RFX6: variants seen among roughly 807,000 people sequenced by gnomAD.
RFX6 encodes DNA-binding protein RFX6.
Under a neutral mutation model 110.8 loss-of-function variants are expected in RFX6, and 50 were observed. The observed-to-expected ratio is 0.45, with a 90% confidence interval of 0.36 to 0.57. The LOEUF (loss-of-function observed/expected upper bound fraction) is 0.57, where lower values mean the gene tolerates loss of function less well. Among genes scored for constraint, RFX6 ranks in the 20% least tolerant of loss-of-function variants. The pLI is 0.00. For missense variants in RFX6, 990 were observed against 1,127.0 expected (o/e 0.88, Z 1.74); for synonymous variants, 383 against 411.2 (o/e 0.93, Z 0.83).
chr6:116,918,116 C>T (rs1274221897), intron 10 of RFX6, 30 bp downstream of exon 10: 1 of 1,498,820 alleles, frequency 6.7e-7, no homozygotes, highest in Non-Finnish European at 9.3e-7. Context: ...CATGAGCATT[C>T]CTAGTATAGG....
intron 6 of RFX6, among the ~76,000 whole-genome samples, chr6:116,899,605 G>A (rs957998254): frequency 6.6e-6 from 1 of 152,102 alleles, no homozygotes; most frequent in African/African-American, 2.4e-5. Flanking sequence ...GAAAGGTGGA[G>A]TACTATATAA....
intron 7 of RFX6, among the ~76,000 whole-genome samples, chr6:116,915,278 T>A (rs1775438437): frequency 6.8e-6 from 1 of 147,058 alleles, no homozygotes; most frequent in Admixed American, 6.7e-5. Context: ...TGTTTGAAAC[T>A]TTTTTTTGGA....
chr6:116,882,792 A>G (rs1044498540), intron 4 of RFX6, among the ~76,000 whole-genome samples: 5 of 152,136 alleles, frequency 3.3e-5, no homozygotes, highest in African/African-American at 4.8e-5. Context: ...GTGCCTTAGC[A>G]TGCTTCAGGT....
Position 116,877,338 on chromosome 6 carries a change from C to A in RFX6, c.63C>A (p.Ser21=). The change falls in exon 1 of 19, where the codon TCC becomes TCA. Residue 21 remains serine, a synonymous_variant. Coordinates refer to ENST00000332958, the MANE Select transcript of RFX6 (RefSeq NM_173560.4). ...AGGCGCAGCCTGCGCCCCAACTGTC[C>A]CCGGGGATCCAGGAAGACTGCTGTG... ...FLQAQPAPQL[S]PGIQEDCCVQ... 2.5e-6 allele frequency: 4 copies of A among 1,612,960 alleles called. No homozygotes were observed. Among genetic ancestry groups the A allele is most frequent in the Non-Finnish European group, 3.4e-6 (4 of 1,179,614 alleles).
chr6:116,908,902 C>T lies in RFX6; in HGVS notation c.673-2033C>T, dbSNP rs141054951. Among the ~76,000 whole-genome samples the T allele has an allele frequency of 2.7e-3, 406 of 152,104 alleles. 2 individuals are homozygous for T. Among genetic ancestry groups the T allele is most frequent in the African/African-American group, 9.2e-3 (383 of 41,522 alleles). ...ATTTTGTTTAATATTTTGTTTAATACTGTCTTTAGTAATAAGTGAAATTGA... is the reference window on the plus strand; with the variant it reads ...ATTTTGTTTAATATTTTGTTTAATATTGTCTTTAGTAATAAGTGAAATTGA... On this transcript the variant is annotated intron_variant, in intron 6 of 18. Transcript: ENST00000332958.
At chr6:116,920,859 G>A (rs1005423290) in intron 12 of RFX6, among the ~76,000 whole-genome samples, 8 of 152,016 alleles carry the variant, frequency 5.3e-5, no homozygotes, top group Non-Finnish European at 1.2e-4. Context: ...TAATCAAATT[G>A]TTTTGAGTTT....
intron 7 of RFX6, among the ~76,000 whole-genome samples, chr6:116,911,459 GAA>G: frequency 6.6e-6 from 1 of 152,260 alleles, no homozygotes; most frequent in East Asian, 1.9e-4. Flanking sequence ...CATGCTAGAT[GAA>G]TGCAAGAACT....
chr6:116,923,371 G>A (rs1258933541), intron 14 of RFX6, 147 bp downstream of exon 14: 10 of 660,474 alleles, frequency 1.5e-5, no homozygotes, highest in Non-Finnish European at 2.8e-5. Context: ...GTATTTATGA[G>A]CCTGGGTTTT....
chr6:116,921,854 A>T (rs1238550618), intron 12 of RFX6, among the ~76,000 whole-genome samples, 188 bp from the exon 13 acceptor site: 1 of 152,072 alleles, frequency 6.6e-6, no homozygotes, highest in African/African-American at 2.4e-5. Flanking sequence ...ATTGAAGAGT[A>T]CAGTACTAAG....
rs189667343 is a variant in RFX6 at position 116,919,475 on chromosome 6, T to A, written c.1182+179T>A. 9.9e-5 allele frequency among the ~76,000 whole-genome samples: 15 copies of A among 152,250 alleles called. No individual in the cohort carries two copies. In the East Asian group the frequency reaches 2.9e-3, roughly 29 times the overall value. ...AAAAGCACATTAGTGGGAAAGCTGG[T>A]GAAATTTGAATTATGTCTGTAGTTA... On this transcript the variant is annotated intron_variant, in intron 11 of 18. Transcript: ENST00000332958.
In RFX6 at chr6:116,877,493, A is replaced by T; in HGVS notation, c.218A>T (p.Lys73Ile). The T allele has an allele frequency of 6.4e-7, 1 of 1,556,148 alleles. No individual in the cohort carries two copies. Among genetic ancestry groups the T allele is most frequent in the Non-Finnish European group, 8.7e-7 (1 of 1,149,460 alleles). ...GEDPELPGAV[K>I]SEMHLNNGNF... is the part of the protein sequence containing the mutation. ...GACCCGGAGCTGCCGGGGGCAGTGA[A>T]ATCAGGTGAGTGCTCTGCCGCATCC... Residue 73 changes from lysine to isoleucine, a missense_variant, in exon 1 of 19, where the codon AAA becomes ATA. Physicochemically the swap from Lys to Ile is moderately radical, Grantham distance 102. Transcript: ENST00000332958.
In RFX6 at chr6:116,877,465, G is replaced by A; in HGVS notation, c.190G>A (p.Glu64Lys). 6.4e-7 allele frequency: 1 copy of A among 1,567,540 alleles called. No individual in the cohort carries two copies. Among genetic ancestry groups the A allele is most frequent in the African/African-American group, 1.4e-5 (1 of 73,968 alleles). Residue 64 changes from glutamate (E) to lysine (K), a missense_variant, in exon 1 of 19, where the codon GAA (glutamate) becomes AAA (lysine). Physicochemically the swap from Glu to Lys is moderately conservative, Grantham distance 56. Coordinates refer to ENST00000332958, the MANE Select transcript of RFX6 (RefSeq NM_173560.4). ...GGEQGGGEKG[E>K]DPELPGAVKS... ...CGAGCAGGGCGGCGGGGAGAAAGGC[G>A]AAGACCCGGAGCTGCCGGGGGCAGT... is the stretch of plus-strand genomic sequence containing the variant.
intron 16 of RFX6, among the ~76,000 whole-genome samples, chr6:116,925,979 G>T (rs780935194): frequency 3.3e-5 from 5 of 152,136 alleles, no homozygotes; most frequent in Non-Finnish European, 5.9e-5. Context: ...AAAATGGGTT[G>T]CTTATTTCTG....
chr6:116,918,232 T>G (rs1562145160), intron 10 of RFX6, 146 bp downstream of exon 10: 1 of 673,982 alleles, frequency 1.5e-6, no homozygotes, highest in Non-Finnish European at 2.6e-6. Context: ...CTGGAAGAGA[T>G]GTGTCTTATA....
chr6:116,919,367 T>C, intron 11 of RFX6, 71 bp downstream of exon 11: 2 of 1,389,060 alleles, frequency 1.4e-6, no homozygotes, highest in Non-Finnish European at 2.0e-6. Flanking sequence ...AAGGACAGAT[T>C]GAGGAACTTT....
intron 2 of RFX6, among the ~76,000 whole-genome samples, chr6:116,879,890 GA>G (rs1774549755): frequency 6.6e-6 from 1 of 151,908 alleles, no homozygotes; most frequent in African/African-American, 2.4e-5. Context: ...ATATAAAGTT[GA>G]AGGTATATAT....
At chr6:116,895,704 C>T (rs947127231) in intron 6 of RFX6, among the ~76,000 whole-genome samples, 1 of 151,710 alleles carries the variant, frequency 6.6e-6, no homozygotes, top group Non-Finnish European at 1.5e-5. Flanking sequence ...CCTAGGCTTC[C>T]TCTCCACCCC....
intron 6 of RFX6, among the ~76,000 whole-genome samples, chr6:116,902,775 C>T (rs1019375590): frequency 3.3e-5 from 5 of 151,992 alleles, no homozygotes; most frequent in African/African-American, 1.2e-4. Context: ...CAACTTTGTA[C>T]CAAGATAAAT....
chr6:116,925,582 C>T lies in RFX6; in HGVS notation c.1808C>T (p.Pro603Leu). 1 of 1,614,040 alleles carries T rather than the reference C, an allele frequency of 6.2e-7. No homozygotes were observed. Among genetic ancestry groups the T allele is most frequent in the South Asian group, 1.1e-5 (1 of 91,078 alleles). ...SHVETTYLPL[P>L]SSQPGGLGPA... Reference sequence around the variant, plus strand: ...GTGGAGACAACCTATCTCCCTCTGCCATCCAGTCAACCTGGAGGCCTAGGC... The same window carrying T: ...GTGGAGACAACCTATCTCCCTCTGCTATCCAGTCAACCTGGAGGCCTAGGC... The change falls in exon 16 of 19, where the codon CCA becomes CTA. Residue 603 changes from proline to leucine, a missense_variant. Transcript: ENST00000332958.
Sources: allele counts gnomAD v4.1 joint callset (sites outside exome capture counted in the v4.1 genomes callset), GRCh38; gene constraint gnomAD v4.1.1; transcripts MANE v1.5; gene names NCBI Gene and HGNC (gene_info 2026-07-23, HGNC 2026-07-21).